DENND5B: variants seen among roughly 807,000 people sequenced by gnomAD.
The protein encoded by DENND5B is DENN domain containing 5B.
Under a neutral mutation model 140.6 loss-of-function variants are expected in DENND5B, and 34 were observed. That is an observed-to-expected ratio of 0.24 (90% CI 0.18 to 0.32). DENND5B has a LOEUF of 0.32. Among genes scored for constraint, DENND5B ranks in the 10% least tolerant of loss-of-function variants. The pLI, the probability that DENND5B is intolerant of heterozygous loss-of-function variation, is 1.00. For missense variants in DENND5B, 1,142 were observed against 1,560.2 expected (o/e 0.73, Z 4.52); for synonymous variants, 551 against 562.1 (o/e 0.98, Z 0.28).
intron 1 of DENND5B, among the ~76,000 whole-genome samples, chr12:31,544,889 A>G (rs1275852826): frequency 6.6e-6 from 1 of 152,192 alleles, no homozygotes; most frequent in Non-Finnish European, 1.5e-5. Flanking sequence ...TTCTTAAGAA[A>G]TCCAGGAGAT....
intron 1 of DENND5B, among the ~76,000 whole-genome samples, chr12:31,517,295 G>GTTTGT (rs1043988820): frequency 6.6e-6 from 1 of 152,156 alleles, no homozygotes; most frequent in Non-Finnish European, 1.5e-5. Context: ...ATAGGCAAAT[G>GTTTGT]TTTGTTTTGT....
chr12:31,470,308 T>TTC (rs2138403295), intron 3 of DENND5B, among the ~76,000 whole-genome samples: 1 of 151,990 alleles, frequency 6.6e-6, no homozygotes, highest in South Asian at 2.1e-4. Context: ...GAGATGAGGT[T>TTC]TCTCCATGTT....
chr12:31,401,656 A>C (rs1941803430), intron 15 of DENND5B, among the ~76,000 whole-genome samples: 1 of 152,154 alleles, frequency 6.6e-6, no homozygotes, highest in Admixed American at 6.5e-5. Context: ...TTTGAGACAC[A>C]GTCTCACTCT....
intron 7 of DENND5B, among the ~76,000 whole-genome samples, chr12:31,434,390 G>A (rs1409255053): frequency 1.3e-5 from 2 of 152,038 alleles, no homozygotes; most frequent in South Asian, 2.1e-4. Flanking sequence ...TGCTGGTATC[G>A]AAACTGCCTT....
At chr12:31,487,059 A>G (rs1295347104) in intron 2 of DENND5B, among the ~76,000 whole-genome samples, 1 of 152,238 alleles carries the variant, frequency 6.6e-6, no homozygotes, top group Non-Finnish European at 1.5e-5. Flanking sequence ...GTGGTGACTG[A>G]TAACATGGGT....
rs185578177 is a variant in DENND5B at position 31,459,177 on chromosome 12, T to A, written c.1092+1017A>T. Among the ~76,000 whole-genome samples, 24 of 150,310 alleles carry A rather than the reference T, an allele frequency of 1.6e-4. No individual in the cohort carries two copies. In the East Asian group the frequency reaches 4.2e-3, roughly 26 times the overall value. On this transcript the variant is annotated intron_variant, in intron 4 of 20. Coordinates refer to ENST00000389082, the MANE Select transcript of DENND5B (RefSeq NM_144973.4). ...AAGATCCCGCCATTGCACTCCAGCCTGGGCAACAAGAGCGAAACTCCATCT... is the reference window on the plus strand; with the variant it reads ...AAGATCCCGCCATTGCACTCCAGCCAGGGCAACAAGAGCGAAACTCCATCT...
At chr12:31,516,178 G>A (rs1367207489) in intron 1 of DENND5B, among the ~76,000 whole-genome samples, 3 of 151,800 alleles carry the variant, frequency 2.0e-5, no homozygotes, top group African/African-American at 7.2e-5. Flanking sequence ...AGTATATCTC[G>A]CACCTAAACA....
chr12:31,398,440 G>T lies in DENND5B; in HGVS notation c.3069-78C>A. The stretch of plus-strand genomic sequence containing the variant: ...CCCGCTCAGCCCCCTGAGTAGTTGA[G>T]ACTACAGGTGTGCACCACCACACCT... On this transcript the variant is annotated intron_variant, in intron 16 of 20. Coordinates refer to ENST00000389082, the MANE Select transcript of DENND5B (RefSeq NM_144973.4). 8 of 1,364,872 alleles carry T rather than the reference G, an allele frequency of 5.9e-6. No individual in the cohort carries two copies. In the South Asian group the frequency reaches 1.2e-4, roughly 21 times the overall value. The allele number at this position is 1,364,872 out of a possible 1,614,324, so 84.5% of individuals were successfully genotyped here. A position where few individuals can be genotyped will look rare whatever the true frequency, so the allele number is the denominator to read the frequency against.
chr12:31,411,057 T>G (rs553218147), intron 13 of DENND5B, among the ~76,000 whole-genome samples: 40 of 134,420 alleles, frequency 3.0e-4, no homozygotes, highest in Middle Eastern at 3.9e-3. Flanking sequence ...TTTTTTTTTT[T>G]GAGACAGTTT....
intron 12 of DENND5B, 70 bp from the exon 13 acceptor site, chr12:31,413,634 T>C (rs1593101046): frequency 6.5e-7 from 1 of 1,533,622 alleles, no homozygotes; most frequent in East Asian, 2.3e-5. Flanking sequence ...AAGTAAAGAG[T>C]GAACAGTACT....
intron 18 of DENND5B, 100 bp downstream of exon 18, chr12:31,392,514 C>G: frequency 3.3e-6 from 5 of 1,532,026 alleles, no homozygotes; most frequent in Non-Finnish European, 4.4e-6. Context: ...TACCAGAAAG[C>G]TTACAAATGA....
At chr12:31,414,971 TG>T (rs776138105) in intron 12 of DENND5B, among the ~76,000 whole-genome samples, 34 of 147,838 alleles carry the variant, frequency 2.3e-4, no homozygotes, top group Non-Finnish European at 4.2e-4. Context: ...AAAAATTAGC[TG>T]GGTATGGTGG....
rs543392437 is a variant in DENND5B at position 31,531,476 on chromosome 12, G to A, written c.128-35557C>T. 7.9e-5 allele frequency among the ~76,000 whole-genome samples: 12 copies of A among 152,282 alleles called. No homozygotes were observed. The East Asian group carries it at 2.1e-3, about 27-fold the overall frequency. ...CTCCCAAAGTGCTGGGATTACAGGC[G>A]TGAGCCACCGTGCCCAGCCAGCTCT... On this transcript the variant is annotated intron_variant, in intron 1 of 20. Coordinates refer to ENST00000389082, the MANE Select transcript of DENND5B (RefSeq NM_144973.4).
intron 19 of DENND5B, among the ~76,000 whole-genome samples, chr12:31,390,375 A>C (rs926635565): frequency 2.0e-5 from 3 of 152,258 alleles, no homozygotes; most frequent in Admixed American, 1.3e-4. Context: ...ATGGTGGCTC[A>C]CGCCTGTAAT....
At chr12:31,409,228 T>G (rs1942307299) in intron 14 of DENND5B, 35 bp downstream of exon 14, 1 of 1,536,194 alleles carries the variant, frequency 6.5e-7, no homozygotes, top group Non-Finnish European at 8.7e-7. Flanking sequence ...ATTGGTCACC[T>G]CAGTAACCCT....
intron 1 of DENND5B, among the ~76,000 whole-genome samples, chr12:31,552,832 T>A (rs144156371): frequency 0.011 from 1,725 of 152,362 alleles, 19 homozygotes; most frequent in East Asian, 0.032. Context: ...CCGTTTCTTC[T>A]AGATTTTCTA....
chr12:31,427,480 T>A lies in DENND5B; in HGVS notation c.2107-1056A>T, dbSNP rs148584396. On this transcript the variant is annotated intron_variant, in intron 8 of 20. Transcript: ENST00000389082. Reference sequence around the variant, plus strand: ...AATTAGCCACGCGTGGTGGTGGACGTCTGTAATCCCAGCTACTCGGGAGGC... The same window carrying A: ...AATTAGCCACGCGTGGTGGTGGACGACTGTAATCCCAGCTACTCGGGAGGC... Among the ~76,000 whole-genome samples the A allele has an allele frequency of 6.6e-3, 1,002 of 151,582 alleles. 5 individuals carry two copies. The highest frequency in any genetic ancestry group is 0.012 in the Non-Finnish European group (792 of 67,866).
At chr12:31,589,854 G>GCTGCC (rs1409822053) in intron 1 of DENND5B, 1 of 152,270 alleles carries the variant, frequency 6.6e-6, no homozygotes, top group Non-Finnish European at 1.5e-5. Context: ...TGCGCACTCC[G>GCTGCC]CTGCCCTGCC....
At chr12:31,519,814 T>A (rs1947808716) in intron 1 of DENND5B, among the ~76,000 whole-genome samples, 1 of 152,228 alleles carries the variant, frequency 6.6e-6, no homozygotes, top group Non-Finnish European at 1.5e-5. Context: ...CACATACCCT[T>A]ACACTCACCC....
Sources: allele counts gnomAD v4.1 joint callset (sites outside exome capture counted in the v4.1 genomes callset), GRCh38; gene constraint gnomAD v4.1.1; transcripts MANE v1.5; gene names NCBI Gene and HGNC (gene_info 2026-07-23, HGNC 2026-07-21).